Variants in SMAP1 observed in about 807,000 individuals in gnomAD.
SMAP1 encodes stromal membrane-associated protein 1.
A neutral mutation model predicts 58.5 loss-of-function variants in SMAP1; 24 were observed. The ratio of observed to expected loss-of-function variants is 0.41; its 90% CI spans 0.30 to 0.58. SMAP1 has a LOEUF of 0.58. Among genes scored for constraint, SMAP1 ranks in the 20% least tolerant of loss-of-function variants. SMAP1 has a pLI of 0.29. For synonymous variants in SMAP1, 216 were observed against 196.6 expected, an observed-to-expected ratio of 1.10 and a Z score of -0.82; for missense variants, 563 against 566.3, an observed-to-expected ratio of 0.99 and a Z score of 0.06.
intron 6 of SMAP1, among the ~76,000 whole-genome samples, chr6:70,804,825 C>T (rs1020873049): frequency 6.6e-6 from 1 of 151,858 alleles, no homozygotes; most frequent in Non-Finnish European, 1.5e-5. Context: ...TATATTGACC[C>T]CCACTCTCTT....
chr6:70,700,718 T>C (rs1395854150), intron 1 of SMAP1, among the ~76,000 whole-genome samples: 4 of 152,202 alleles, frequency 2.6e-5, no homozygotes, highest in African/African-American at 9.6e-5. Context: ...TGGTGGGTCA[T>C]GCTTGAAGCC....
intron 5 of SMAP1, 92 bp downstream of exon 5, chr6:70,791,861 T>G (rs45495098): frequency 9.8e-7 from 1 of 1,017,372 alleles, no homozygotes; most frequent in Non-Finnish European, 1.4e-6. Context: ...ACTATAATAG[T>G]TGTTGATATT....
At chr6:70,691,325 A>C (rs760877201) in intron 1 of SMAP1, among the ~76,000 whole-genome samples, 1 of 152,108 alleles carries the variant, frequency 6.6e-6, no homozygotes, top group Non-Finnish European at 1.5e-5. Context: ...ATGGGTACAT[A>C]TAATAGTAGG....
intron 1 of SMAP1, among the ~76,000 whole-genome samples, chr6:70,669,172 G>A (rs1321952313): frequency 6.6e-6 from 1 of 151,920 alleles, no homozygotes; most frequent in Non-Finnish European, 1.5e-5. Context: ...TTTTTAATTG[G>A]TTTATTTCGT....
At chr6:70,756,418 C>T (rs893811298) in intron 3 of SMAP1, among the ~76,000 whole-genome samples, 1 of 151,940 alleles carries the variant, frequency 6.6e-6, no homozygotes, top group Non-Finnish European at 1.5e-5. Flanking sequence ...TTCTGTTCGC[C>T]CCACTCCTTT....
At chr6:70,788,288 T>C (rs1400990746) in intron 4 of SMAP1, among the ~76,000 whole-genome samples, 16 of 103,612 alleles carry the variant, frequency 1.5e-4, no homozygotes, top group Admixed American at 4.3e-4. Flanking sequence ...CATCACACTC[T>C]GGGGACTGTT....
chr6:70,832,480 C>T (rs1193108483), intron 6 of SMAP1, among the ~76,000 whole-genome samples: 1 of 152,184 alleles, frequency 6.6e-6, no homozygotes, highest in Admixed American at 6.5e-5. Context: ...TGCATGTTTT[C>T]AGGTTTTTTG....
At chr6:70,800,292 TA>T (rs111891115) in intron 6 of SMAP1, among the ~76,000 whole-genome samples, 74 of 148,246 alleles carry the variant, frequency 5.0e-4, no homozygotes, top group African/African-American at 1.1e-3. Flanking sequence ...AGACACCCTT[TA>T]AAAAAAAAAT....
At chr6:70,735,497 G>A (rs1765584879) in intron 2 of SMAP1, among the ~76,000 whole-genome samples, 1 of 152,154 alleles carries the variant, frequency 6.6e-6, no homozygotes, top group Non-Finnish European at 1.5e-5. Flanking sequence ...AGTGCTTGAG[G>A]CCAGGAGCGG....
intron 1 of SMAP1, among the ~76,000 whole-genome samples, chr6:70,729,438 C>CA (rs71538438): frequency 0.21 from 17,123 of 81,496 alleles, 1,461 homozygotes; most frequent in South Asian, 0.28. Flanking sequence ...GACTCCGTCT[C>CA]AAAAAAAAAA....
intron 3 of SMAP1, among the ~76,000 whole-genome samples, chr6:70,766,890 T>G (rs1301415457): frequency 6.6e-6 from 1 of 152,230 alleles, no homozygotes; most frequent in Non-Finnish European, 1.5e-5. Context: ...GTCTAACATT[T>G]AAGTCTTTAA....
chr6:70,681,188 G>A (rs979105307), intron 1 of SMAP1, among the ~76,000 whole-genome samples: 6 of 152,108 alleles, frequency 3.9e-5, no homozygotes, highest in East Asian at 1.9e-4. Context: ...GGAGGCCAAC[G>A]CAGGTGACTC....
intron 7 of SMAP1, among the ~76,000 whole-genome samples, chr6:70,840,192 ACACAG>A (rs1248643610): frequency 6.6e-6 from 1 of 152,244 alleles, no homozygotes; most frequent in Non-Finnish European, 1.5e-5. Context: ...AGTTCAGTTA[ACACAG>A]CTATGGATCC....
At chr6:70,685,803 C>A (rs1159294993) in intron 1 of SMAP1, among the ~76,000 whole-genome samples, 2 of 152,130 alleles carry the variant, frequency 1.3e-5, no homozygotes, top group African/African-American at 4.8e-5. Flanking sequence ...TGTAGAGAGG[C>A]AATGGGATGA....
chr6:70,737,714 A>G (rs1352212866), intron 2 of SMAP1, among the ~76,000 whole-genome samples: 3 of 152,178 alleles, frequency 2.0e-5, no homozygotes, highest in Non-Finnish European at 4.4e-5. Context: ...TTTTAATGGC[A>G]TGCTGAATCA....
At chr6:70,675,972 A>G (rs1343133433) in intron 1 of SMAP1, among the ~76,000 whole-genome samples, 2 of 152,248 alleles carry the variant, frequency 1.3e-5, no homozygotes, top group East Asian at 1.9e-4. Flanking sequence ...AGGGTTACCT[A>G]CATGACCAGT....
intron 3 of SMAP1, among the ~76,000 whole-genome samples, chr6:70,771,354 T>G (rs1767297193): frequency 6.9e-6 from 1 of 145,560 alleles, no homozygotes; most frequent in Non-Finnish European, 1.5e-5. Context: ...TGCCCCAGAG[T>G]TGGAGCCTAC....
chr6:70,775,021 A>AG (rs1767490669), intron 4 of SMAP1, among the ~76,000 whole-genome samples: 1 of 151,750 alleles, frequency 6.6e-6, no homozygotes, highest in South Asian at 2.1e-4. Flanking sequence ...AAAAAAAAAA[A>AG]AAAATTAAGT....
At chr6:70,694,782 G>A (rs1343006091) in intron 1 of SMAP1, among the ~76,000 whole-genome samples, 1 of 152,168 alleles carries the variant, frequency 6.6e-6, no homozygotes, top group East Asian at 1.9e-4. Context: ...ATAGGGTTTG[G>A]GGGTAAAGGT....
Sources: gnomAD v4.1 joint callset for allele counts (sites outside exome capture counted in the v4.1 genomes callset) on GRCh38, gnomAD v4.1.1 for gene constraint, MANE v1.5 for transcripts, NCBI Gene and HGNC (gene_info 2026-07-23, HGNC 2026-07-21) for gene names.